The following PRKRIP1 variants were observed in gnomAD, a reference collection of about 807,000 sequenced individuals.
PRKRIP1 encodes PRKR interacting protein 1.
In PRKRIP1, 29 loss-of-function variants were observed where a neutral mutation model predicts 29.3. The observed-to-expected ratio is 0.99, with a 90% CI of 0.74 to 1.35. The LOEUF (loss-of-function observed/expected upper bound fraction) is 1.35. Among genes scored for constraint, PRKRIP1 ranks in the 40% most tolerant of loss-of-function variants. The pLI is 0.00. For missense variants in PRKRIP1, 247 were observed against 236.8 expected, an observed-to-expected ratio of 1.04 and a Z score of -0.28; for synonymous variants, 90 against 85.1, an observed-to-expected ratio of 1.06 and a Z score of -0.32.
intron 5 of PRKRIP1, chr7:102,423,032 GTCC>G (rs1162508246): frequency 2.5e-6 from 1 of 397,642 alleles, no homozygotes; most frequent in Non-Finnish European, 5.2e-6. Context: ...AATGCTTCCA[GTCC>G]TCCTCTGTTG....
Position 102,425,573 on chromosome 7 carries a change from C to T in PRKRIP1, c.*462C>T, listed in dbSNP as rs1554574354. Reference sequence around the variant, plus strand: ...GGTCCCAGGCTCAGTGAGGAGATGGCCTCAGCTGTGGGGCTGGTCCATGTT... The same window carrying T: ...GGTCCCAGGCTCAGTGAGGAGATGGTCTCAGCTGTGGGGCTGGTCCATGTT... On this transcript the variant is annotated 3_prime_UTR_variant, in exon 6 of 6. Transcript: ENST00000397912. 2 of 274,344 alleles carry T rather than the reference C, an allele frequency of 7.3e-6. No individual in the cohort carries two copies. The highest frequency in any genetic ancestry group is 1.4e-5 in the Non-Finnish European group (2 of 140,614). The allele number at this position is 274,344 out of a possible 1,614,324, so 17.0% of individuals were successfully genotyped here. A position where few individuals can be genotyped will look rare whatever the true frequency, so the allele number is the denominator to read the frequency against.
intron 5 of PRKRIP1, among the ~76,000 whole-genome samples, chr7:102,419,703 C>A (rs1563623388): frequency 6.6e-6 from 1 of 152,124 alleles, no homozygotes; most frequent in African/African-American, 2.4e-5. Context: ...GGCTTAATGC[C>A]CCATTCCTTT....
At chr7:102,400,196 G>A (rs530850195) in intron 3 of PRKRIP1, among the ~76,000 whole-genome samples, 69 of 151,930 alleles carry the variant, frequency 4.5e-4, no homozygotes, top group Non-Finnish European at 7.8e-4. Flanking sequence ...TGTAGTCCCA[G>A]CTACTTAGGA....
rs144913996 is a variant in PRKRIP1 at position 102,409,257 on chromosome 7, G to A, written c.457+1759G>A. ...TGTAAATGTACTGTGTGACACATCG[G>A]ATATGGTTTTAGGTTGTTTCTCACC... On this transcript the variant is annotated intron_variant, in intron 5 of 5. Transcript: ENST00000397912. Among the ~76,000 whole-genome samples the A allele has an allele frequency of 2.9e-3, 439 of 152,236 alleles. 2 individuals are homozygous for A. Among genetic ancestry groups the A allele is most frequent in the African/African-American group, 0.01 (419 of 41,546 alleles).
intron 4 of PRKRIP1, among the ~76,000 whole-genome samples, chr7:102,404,947 G>A (rs868913256): frequency 6.7e-6 from 1 of 148,294 alleles, no homozygotes; most frequent in East Asian, 2.0e-4. Context: ...TTTTTTTTGA[G>A]ACAAAGTCTC....
intron 1 of PRKRIP1, among the ~76,000 whole-genome samples, 185 bp from the exon 2 acceptor site, chr7:102,397,435 A>G (rs1453791972): frequency 6.6e-6 from 1 of 152,028 alleles, no homozygotes; most frequent in Non-Finnish European, 1.5e-5. Context: ...AGTCCTAACT[A>G]TTCTGGAGAC....
At chr7:102,416,855 T>TTTTG (rs1299497421) in intron 5 of PRKRIP1, among the ~76,000 whole-genome samples, 2 of 151,476 alleles carry the variant, frequency 1.3e-5, no homozygotes, top group Non-Finnish European at 2.9e-5. Context: ...AATTTTGGTG[T>TTTTG]TTTGTTTGTT....
intron 3 of PRKRIP1, among the ~76,000 whole-genome samples, chr7:102,402,695 A>G (rs1443114542): frequency 2.0e-5 from 3 of 152,080 alleles, no homozygotes; most frequent in Admixed American, 6.6e-5. Flanking sequence ...ACAGTCTCTG[A>G]GATTTAAAAA....
chr7:102,404,498 C>T, intron 3 of PRKRIP1, 100 bp from the exon 4 acceptor site: 1 of 888,012 alleles, frequency 1.1e-6, no homozygotes, highest in Admixed American at 2.2e-5. Flanking sequence ...CCGTCACCCC[C>T]AGTGGTGTGA....
chr7:102,425,357 G>A lies in PRKRIP1; in HGVS notation c.*246G>A. On this transcript the variant is annotated 3_prime_UTR_variant, in exon 6 of 6. Transcript: ENST00000397912. ...CGTGCTCCTGGTAAAGGGGGACAGAGAGCCTCACCTTGCCACATATTTGAA... is the reference window on the plus strand; with the variant it reads ...CGTGCTCCTGGTAAAGGGGGACAGAAAGCCTCACCTTGCCACATATTTGAA... The A allele has an allele frequency of 1.5e-6, 1 of 652,674 alleles. No homozygotes were observed. Among genetic ancestry groups the A allele is most frequent in the Non-Finnish European group, 2.5e-6 (1 of 397,186 alleles). 40.4% of individuals were successfully genotyped at this position (652,674 alleles called of 1,614,324 possible).
chr7:102,414,920 T>G (rs551408147), intron 5 of PRKRIP1, among the ~76,000 whole-genome samples: 2 of 151,834 alleles, frequency 1.3e-5, no homozygotes, highest in East Asian at 3.9e-4. Flanking sequence ...AAAGATAAAT[T>G]TCTAACCATG....
intron 5 of PRKRIP1, among the ~76,000 whole-genome samples, chr7:102,409,622 A>T (rs559483889): frequency 3.3e-5 from 5 of 152,098 alleles, no homozygotes; most frequent in Non-Finnish European, 5.9e-5. Flanking sequence ...CAGGAGTTCA[A>T]GACTAGTCTG....
intron 3 of PRKRIP1, among the ~76,000 whole-genome samples, chr7:102,400,038 G>A (rs1796022015): frequency 6.7e-6 from 1 of 149,172 alleles, no homozygotes; most frequent in South Asian, 2.1e-4. Flanking sequence ...AAAGAAAAAA[G>A]CGTTTGAGGA....
rs1796564272 is a variant in PRKRIP1 at position 102,416,893 on chromosome 7, T to C, written c.458-8121T>C. Among the ~76,000 whole-genome samples, 4 of 152,118 alleles carry C rather than the reference T, an allele frequency of 2.6e-5. No individual in the cohort carries two copies. The South Asian group carries it at 8.3e-4, about 32-fold the overall frequency. ...TTTGTTGAGATGGAGTCTCGCTTTGTCGCCCAGGCTGGAGTGTGGTGGCGC... is the reference window on the plus strand; with the variant it reads ...TTTGTTGAGATGGAGTCTCGCTTTGCCGCCCAGGCTGGAGTGTGGTGGCGC... On this transcript the variant is annotated intron_variant, in intron 5 of 5. Transcript: ENST00000397912.
intron 4 of PRKRIP1, 114 bp from the exon 5 acceptor site, chr7:102,407,320 T>C: frequency 1.6e-6 from 1 of 636,842 alleles, no homozygotes; most frequent in Non-Finnish European, 2.8e-6. Flanking sequence ...TATTTTGTTA[T>C]TGTAATGTTT....
intron 5 of PRKRIP1, among the ~76,000 whole-genome samples, chr7:102,417,375 A>ATGC (rs1796580643): frequency 6.6e-6 from 1 of 152,104 alleles, no homozygotes; most frequent in Non-Finnish European, 1.5e-5. Flanking sequence ...CCTCCCTGAC[A>ATGC]GTGGAGAATC....
rs181221197 is a variant in PRKRIP1 at position 102,426,433 on chromosome 7, T to G, written c.*1322T>G. 3 of 152,796 alleles carry G rather than the reference T, an allele frequency of 2.0e-5. No homozygotes were observed. The highest frequency in any genetic ancestry group is 2.0e-4 in the Admixed American group (3 of 15,304). 9.5% of individuals were successfully genotyped at this position (152,796 alleles called of 1,614,324 possible). A position where few individuals can be genotyped will look rare whatever the true frequency, so the allele number is the denominator to read the frequency against. On this transcript the variant is annotated 3_prime_UTR_variant, in exon 6 of 6. Transcript: ENST00000397912. ...GTTCCTGAGTCTATTTTATGCCCCT[T>G]ACGTACTTTGATAGAACTAAGGAAA...
intron 3 of PRKRIP1, chr7:102,404,312 C>CA (rs1296350379): frequency 7.2e-6 from 2 of 278,406 alleles, no homozygotes; most frequent in African/African-American, 4.3e-5. Flanking sequence ...GCGCTGCCCT[C>CA]AGAGTGTCCT....
intron 5 of PRKRIP1, among the ~76,000 whole-genome samples, chr7:102,424,290 G>A (rs1563626206): frequency 6.6e-6 from 1 of 152,254 alleles, no homozygotes; most frequent in Admixed American, 6.5e-5. Context: ...GCCCGGGTGA[G>A]CCTACCCATT....
Sources: allele counts gnomAD v4.1 joint callset (sites outside exome capture counted in the v4.1 genomes callset), GRCh38; gene constraint gnomAD v4.1.1; transcripts MANE v1.5; gene names NCBI Gene and HGNC (gene_info 2026-07-23, HGNC 2026-07-21).